NBPF11: variants seen among roughly 807,000 people sequenced by gnomAD.
The protein encoded by NBPF11 is NBPF member 11, also known as NBPF family member NBPF11.
A neutral mutation model predicts 93.9 loss-of-function variants in NBPF11; 72 were observed. That is an observed-to-expected ratio of 0.77 (90% CI 0.63 to 0.93). The LOEUF (loss-of-function observed/expected upper bound fraction) is 0.93, where lower values mean the gene tolerates loss of function less well. NBPF11 is among the 40% of genes least tolerant of loss of function. NBPF11 has a pLI of 0.00. For missense variants in NBPF11, 705 were observed against 802.2 expected, an observed-to-expected ratio of 0.88 and a Z score of 1.46; for synonymous variants, 224 against 304.9, an observed-to-expected ratio of 0.73 and a Z score of 2.76.
intron 1 of NBPF11, chr1:148,146,745 G>T (rs1459419146): frequency 3.1e-6 from 5 of 1,612,672 alleles, no homozygotes; most frequent in East Asian, 2.2e-5. Context: ...TCCTCTTCTC[G>T]CACGGCAATG....
intron 9 of NBPF11, among the ~76,000 whole-genome samples, chr1:148,121,132 C>T (rs1327171168): frequency 0.14 from 20,508 of 150,858 alleles, 1,563 homozygotes; most frequent in East Asian, 0.27. Flanking sequence ...GCCACCTCTG[C>T]CTCCCGGGTT....
chr1:148,124,186 A>C, intron 6 of NBPF11, 119 bp from the exon 7 acceptor site: 1 of 748,320 alleles, frequency 1.3e-6, no homozygotes. Context: ...GAAGGTCAGC[A>C]CATGTTGAAA....
At chr1:148,151,568 C>G (rs1206594601) in intron 1 of NBPF11, among the ~76,000 whole-genome samples, 182 bp downstream of exon 1, 1 of 152,100 alleles carries the variant, frequency 6.6e-6, no homozygotes, top group Non-Finnish European at 1.5e-5. Context: ...CAGCGGCAGG[C>G]GAGGAATCAA....
chr1:148,108,565 C>G lies in NBPF11; in HGVS notation c.1943G>C (p.Gly648Ala), dbSNP rs201967730. 1.9e-6 allele frequency: 3 copies of G among 1,601,606 alleles called. No individual in the cohort carries two copies. Among genetic ancestry groups the G allele is most frequent in the Non-Finnish European group, 2.6e-6 (3 of 1,171,508 alleles). Residue 648 changes from glycine to alanine, a missense_variant, in exon 18 of 24, where the codon GGA becomes GCA. Around this residue, in one of 12 missense-constraint regions of NBPF11, gnomAD observed 97 missense variants for 65.0 expected, o/e 1.49. Coordinates refer to ENST00000682118, the MANE Select transcript of NBPF11 (RefSeq NM_001385469.3). ...GTAGGGCTGGCATGAGTCAGTCAGT[C>G]CAAGATAAACTGAAGGAGTTGAATA... ...RCYSTPSVYL[G>A]LTDSCQPYRS...
At chr1:148,146,846 G>C in intron 1 of NBPF11, 2 of 1,613,814 alleles carry the variant, frequency 1.2e-6, no homozygotes, top group Non-Finnish European at 1.7e-6. Context: ...TCCGGCTACG[G>C]TGCCAGCTCG....
At chr1:148,149,034 G>A (rs1647514517) in intron 1 of NBPF11, 6 of 737,822 alleles carry the variant, frequency 8.1e-6, no homozygotes, top group African/African-American at 1.8e-5. Flanking sequence ...GCCTGAGCCT[G>A]ACCCACTGAC....
chr1:148,145,280 C>T (rs1442445709), intron 1 of NBPF11, among the ~76,000 whole-genome samples: 1 of 137,146 alleles, frequency 7.3e-6, no homozygotes, highest in Non-Finnish European at 1.5e-5. Context: ...AGTGTAATCT[C>T]GGCTCACTGC....
At chr1:148,140,719 A>C (rs1291539489) in intron 2 of NBPF11, among the ~76,000 whole-genome samples, 1 of 152,060 alleles carries the variant, frequency 6.6e-6, no homozygotes, top group Non-Finnish European at 1.5e-5. Context: ...TAAACCTATC[A>C]GAATGGCTAA....
intron 4 of NBPF11, among the ~76,000 whole-genome samples, chr1:148,130,726 C>T (rs1386061056): frequency 2.6e-5 from 4 of 151,758 alleles, no homozygotes; most frequent in Admixed American, 6.6e-5. Context: ...GATGCACTAA[C>T]GGAACTACTG....
chr1:148,148,525 C>T (rs1553277325), intron 1 of NBPF11, among the ~76,000 whole-genome samples: 20,689 of 151,004 alleles, frequency 0.14, 721 homozygotes, highest in East Asian at 0.25. Context: ...TGGCCGAGGA[C>T]TTGTCCACTC....
chr1:148,111,369 C>A, intron 15 of NBPF11, among the ~76,000 whole-genome samples: 1 of 151,970 alleles, frequency 6.6e-6, no homozygotes, highest in East Asian at 1.9e-4. Flanking sequence ...CAGCTCCTCG[C>A]CAGCAATGGA....
chr1:148,151,664 G>T (rs1287470094), intron 1 of NBPF11, 86 bp downstream of exon 1: 1 of 152,342 alleles, frequency 6.6e-6, no homozygotes, highest in East Asian at 1.9e-4. Context: ...AAAACTTGCG[G>T]CGGCCCAGCC....
intron 18 of NBPF11, among the ~76,000 whole-genome samples, 175 bp downstream of exon 18, chr1:148,108,307 C>G (rs1212985475): frequency 0.013 from 1,718 of 129,186 alleles, no homozygotes; most frequent in Non-Finnish European, 0.019. Context: ...CTCACTGACC[C>G]ATCCCTTGTC....
Position 148,106,169 on chromosome 1 carries a change from T to A in NBPF11, c.2303+12A>T. ...TCAACACAGAAGTAGCTGTTCACAA[T>A]TGCTCAGTTACCTGGGGCACGGTGG... On this transcript the variant is annotated intron_variant, in intron 21 of 23. Coordinates refer to ENST00000682118, the MANE Select transcript of NBPF11 (RefSeq NM_001385469.3). 1 of 824,158 alleles carries A rather than the reference T, an allele frequency of 1.2e-6. No homozygotes were observed. The highest frequency in any genetic ancestry group is 2.4e-5 in the East Asian group (1 of 41,360). The allele number at this position is 824,158 out of a possible 1,614,324, so 51.1% of individuals were successfully genotyped here. A position where few individuals can be genotyped will look rare whatever the true frequency, so the allele number is the denominator to read the frequency against.
At chr1:148,116,836 G>A (rs1273298171) in intron 12 of NBPF11, among the ~76,000 whole-genome samples, 1 of 152,032 alleles carries the variant, frequency 6.6e-6, no homozygotes. Flanking sequence ...CCCCCATCCT[G>A]CCAGATCTGA....
intron 4 of NBPF11, among the ~76,000 whole-genome samples, chr1:148,132,408 T>A (rs1224197800): frequency 4.0e-5 from 6 of 149,758 alleles, no homozygotes; most frequent in Non-Finnish European, 7.4e-5. Flanking sequence ...TGTAGAGTAA[T>A]TCTGGAAATA....
chr1:148,120,716 G>A lies in NBPF11; in HGVS notation c.779-6C>T, dbSNP rs1159425351. ...AGAAGAGGTGGGGCCAGGGACTGGG[G>A]AGAAGAAAGGCAAACATATGATGGG... On this transcript the variant is annotated splice_polypyrimidine_tract_variant and splice_region_variant and intron_variant, in intron 9 of 23. Transcript: ENST00000682118. 5 of 1,490,812 alleles carry A rather than the reference G, an allele frequency of 3.4e-6. No homozygotes were observed. The highest frequency in any genetic ancestry group is 3.7e-6 in the Non-Finnish European group (4 of 1,069,638). 92.3% of individuals were successfully genotyped at this position (1,490,812 alleles called of 1,614,324 possible). A position where few individuals can be genotyped will look rare whatever the true frequency, so the allele number is the denominator to read the frequency against.
intron 11 of NBPF11, among the ~76,000 whole-genome samples, chr1:148,118,074 C>T (rs1432237224): frequency 6.6e-6 from 1 of 151,300 alleles, no homozygotes; most frequent in Non-Finnish European, 1.5e-5. Context: ...GACATCCTTT[C>T]AGTTCCTCAC....
intron 1 of NBPF11, among the ~76,000 whole-genome samples, chr1:148,145,898 A>G (rs1672919715): frequency 6.6e-6 from 1 of 151,856 alleles, no homozygotes; most frequent in African/African-American, 2.4e-5. Flanking sequence ...AAAAAATTAG[A>G]GAATCTCCAT....
Sources: allele counts gnomAD v4.1 joint callset (sites outside exome capture counted in the v4.1 genomes callset), GRCh38; gene constraint gnomAD v4.1.1; regional missense constraint gnomAD v4.1.1; transcripts MANE v1.5; gene names NCBI Gene and HGNC (gene_info 2026-07-23, HGNC 2026-07-21).